TBC1D5: variants seen among roughly 807,000 people sequenced by gnomAD.
TBC1D5 encodes the protein TBC1 domain family, member 5.
Under a neutral mutation model 100.3 loss-of-function variants are expected in TBC1D5, and 75 were observed. The observed-to-expected ratio is 0.75, with a 90% CI of 0.62 to 0.91. The LOEUF is 0.91. Among genes scored for constraint, TBC1D5 ranks in the 40% least tolerant of loss-of-function variants. The pLI, the probability that TBC1D5 is intolerant of heterozygous loss-of-function variation, is 0.00. For synonymous variants in TBC1D5, 323 were observed against 325.6 expected, an observed-to-expected ratio of 0.99 and a Z score of 0.09; for missense variants, 910 against 942.4, an observed-to-expected ratio of 0.97 and a Z score of 0.45.
chr3:17,704,010 G>C (rs2073600507), intron 1 of TBC1D5, among the ~76,000 whole-genome samples: 1 of 143,136 alleles, frequency 7.0e-6, no homozygotes, highest in Non-Finnish European at 1.5e-5. Context: ...TGGAGGGAAG[G>C]TCAGCAGATA....
intron 15 of TBC1D5, 72 bp downstream of exon 15, chr3:17,291,823 C>G: frequency 7.3e-7 from 1 of 1,371,814 alleles, no homozygotes; most frequent in South Asian, 1.3e-5. Flanking sequence ...ATTTGGAATT[C>G]TTAGACTCTA....
chr3:17,378,133 A>C lies in TBC1D5; in HGVS notation c.613-1520T>G, dbSNP rs192855759. On this transcript the variant is annotated intron_variant, in intron 9 of 21. Coordinates refer to ENST00000253692, the Ensembl canonical transcript of TBC1D5. The stretch of plus-strand genomic sequence containing the variant: ...AAGCAAAAACCAAAATAAGAAAATG[A>C]TAAAGGGGGAGAAGGAGGCCAGACA... 8.0e-4 allele frequency among the ~76,000 whole-genome samples: 121 copies of C among 152,054 alleles called. 2 individuals carry two copies. The East Asian group carries it at 0.012, about 16-fold the overall frequency.
intron 18 of TBC1D5, among the ~76,000 whole-genome samples, chr3:17,192,230 A>C (rs2125649178): frequency 6.6e-6 from 1 of 152,256 alleles, no homozygotes; most frequent in East Asian, 1.9e-4. Flanking sequence ...AGAGAAGAAA[A>C]AAGTGAAAGG....
At chr3:17,335,661 A>G (rs1267880689) in intron 13 of TBC1D5, among the ~76,000 whole-genome samples, 3 of 152,182 alleles carry the variant, frequency 2.0e-5, no homozygotes, top group Non-Finnish European at 4.4e-5. Flanking sequence ...TCTAAAGTTA[A>G]GAATCGAAAC....
chr3:17,176,223 G>C (rs966139531), intron 19 of TBC1D5, among the ~76,000 whole-genome samples: 2 of 152,210 alleles, frequency 1.3e-5, no homozygotes, highest in Non-Finnish European at 2.9e-5. Context: ...TCAACTTGCA[G>C]ACTTAGTGGG....
At chr3:17,258,393 T>C (rs1331718090) in intron 16 of TBC1D5, 113 bp downstream of exon 16, 4 of 976,828 alleles carry the variant, frequency 4.1e-6, no homozygotes, top group Admixed American at 4.5e-5. Flanking sequence ...AAAGATTCCT[T>C]ATGTACATAT....
chr3:17,522,979 T>C (rs116655609), intron 2 of TBC1D5, among the ~76,000 whole-genome samples: 171 of 152,356 alleles, frequency 1.1e-3, no homozygotes, highest in Non-Finnish European at 1.8e-3. Flanking sequence ...ATTATATTTA[T>C]TGAACAAATT....
At chr3:17,225,167 G>A (rs148942911) in intron 17 of TBC1D5, among the ~76,000 whole-genome samples, 20 of 152,150 alleles carry the variant, frequency 1.3e-4, no homozygotes, top group Non-Finnish European at 2.6e-4. Flanking sequence ...GGCCGGACGC[G>A]GTGGCTCACG....
chr3:17,502,436 C>CT (rs2095797901), intron 3 of TBC1D5, among the ~76,000 whole-genome samples: 1 of 149,334 alleles, frequency 6.7e-6, no homozygotes, highest in South Asian at 2.1e-4. Context: ...TCTCCAGCCT[C>CT]TTTTTTTAAG....
intron 1 of TBC1D5, among the ~76,000 whole-genome samples, chr3:17,691,948 CACA>C: frequency 6.6e-6 from 1 of 150,720 alleles, no homozygotes; most frequent in African/African-American, 2.4e-5. Context: ...GGATTCCACA[CACA>C]ACAAAAGAGA....
intron 17 of TBC1D5, among the ~76,000 whole-genome samples, chr3:17,227,282 G>A (rs1248484194): frequency 1.3e-5 from 2 of 152,100 alleles, no homozygotes; most frequent in African/African-American, 4.8e-5. Context: ...ATTTTCAAAG[G>A]CATTGTACTA....
At chr3:17,452,235 C>CAGGA (rs1439349979) in intron 3 of TBC1D5, among the ~76,000 whole-genome samples, 1 of 151,590 alleles carries the variant, frequency 6.6e-6, no homozygotes, top group African/African-American at 2.4e-5. Flanking sequence ...AGAAGGAAGA[C>CAGGA]AGGAAGGAAG....
At chr3:17,697,916 C>G (rs1005277963) in intron 1 of TBC1D5, among the ~76,000 whole-genome samples, 1 of 150,820 alleles carries the variant, frequency 6.6e-6, no homozygotes, top group Non-Finnish European at 1.5e-5. Flanking sequence ...AGATATAAAC[C>G]AATGGAAAAG....
chr3:17,579,281 T>G (rs532350834), intron 2 of TBC1D5, among the ~76,000 whole-genome samples: 9 of 152,112 alleles, frequency 5.9e-5, no homozygotes, highest in Non-Finnish European at 8.8e-5. Context: ...CTTTGTAAAA[T>G]AGAAATATTT....
At chr3:17,704,348 G>A (rs896676250) in intron 1 of TBC1D5, among the ~76,000 whole-genome samples, 10 of 151,880 alleles carry the variant, frequency 6.6e-5, no homozygotes, top group Non-Finnish European at 1.5e-4. Context: ...GCAACCATCC[G>A]ATTTCTCAAT....
At chr3:17,265,998 A>AT (rs2078808880) in intron 15 of TBC1D5, among the ~76,000 whole-genome samples, 1 of 152,138 alleles carries the variant, frequency 6.6e-6, no homozygotes, top group Non-Finnish European at 1.5e-5. Flanking sequence ...ATTTAAACAA[A>AT]TATTCCTAAG....
At chr3:17,641,912 A>G (rs750234903) in intron 1 of TBC1D5, among the ~76,000 whole-genome samples, 31 of 152,136 alleles carry the variant, frequency 2.0e-4, no homozygotes, top group Non-Finnish European at 3.7e-4. Context: ...TTTCCCCTAC[A>G]CAAAAAAGAA....
At chr3:17,308,464 G>A (rs1265542275) in intron 13 of TBC1D5, among the ~76,000 whole-genome samples, 1 of 151,970 alleles carries the variant, frequency 6.6e-6, no homozygotes, top group African/African-American at 2.4e-5. Context: ...GCTTCCATAG[G>A]TAAGGTTGTA....
rs115191665 is a variant in TBC1D5 at position 17,380,544 on chromosome 3, C to T, written c.612+3369G>A. Among the ~76,000 whole-genome samples, 55 of 152,140 alleles carry T rather than the reference C, an allele frequency of 3.6e-4. 1 individual carries two copies. In the East Asian group the frequency reaches 4.8e-3, roughly 13 times the overall value. On this transcript the variant is annotated intron_variant, in intron 9 of 21. Transcript: ENST00000253692. Reference sequence around the variant, plus strand: ...TAGAAAATAATGTATTGATAGTACGCTTCTGGTTCCCAAAATGTATATTTT... The same window carrying T: ...TAGAAAATAATGTATTGATAGTACGTTTCTGGTTCCCAAAATGTATATTTT...
Sources: gnomAD v4.1 joint callset for allele counts (sites outside exome capture counted in the v4.1 genomes callset) on GRCh38, gnomAD v4.1.1 for gene constraint, MANE v1.5 for transcripts, NCBI Gene and HGNC (gene_info 2026-07-23, HGNC 2026-07-21) for gene names.